Variants in PPIL1 observed in about 807,000 individuals in gnomAD.
PPIL1 encodes peptidyl-prolyl cis-trans isomerase-like 1.
PPIL1 carries 14 observed loss-of-function variants against 19.4 expected under a neutral mutation model. The ratio of observed to expected loss-of-function variants is 0.72; its 90% CI spans 0.48 to 1.13. The LOEUF (loss-of-function observed/expected upper bound fraction) is 1.13. Among genes scored for constraint, PPIL1 ranks in the 50% most tolerant of loss-of-function variants. PPIL1 has a pLI of 0.00. For synonymous variants in PPIL1, 72 were observed against 73.6 expected (o/e 0.98, Z 0.11); for missense variants, 192 against 218.0 (o/e 0.88, Z 0.75).
At chr6:36,864,900 T>A (rs1201998337) in intron 2 of PPIL1, among the ~76,000 whole-genome samples, 2 of 152,318 alleles carry the variant, frequency 1.3e-5, no homozygotes, top group African/African-American at 4.8e-5. Flanking sequence ...GCTTTCTTAT[T>A]CACTGTTGTA....
chr6:36,858,992 G>A (rs994777576), intron 2 of PPIL1, among the ~76,000 whole-genome samples: 2 of 152,158 alleles, frequency 1.3e-5, no homozygotes, highest in African/African-American at 4.8e-5. Context: ...CTGTCAGTCT[G>A]TGGCCTGAGC....
Position 36,874,745 on chromosome 6 carries a change from G to A in PPIL1, c.28C>T (p.Gln10Ter). 6.2e-7 allele frequency: 1 copy of A among 1,614,182 alleles called. No homozygotes were observed. Among genetic ancestry groups the A allele is most frequent in the Non-Finnish European group, 8.5e-7 (1 of 1,179,990 alleles). MAAIPPDSW[Q>*]PPNVYLETSM... ...GTCTCCAAGTAAACGTTGGGTGGCT[G>A]CCAGGAATCTGGGGGAATTGCCGCC... is the stretch of plus-strand genomic sequence containing the variant. The change falls in exon 1 of 4, where the codon CAG (glutamine) becomes TAG (stop). Residue 10 changes from glutamine (Q) to a stop codon, truncating the protein, a stop_gained. Coordinates refer to ENST00000373699, the MANE Select transcript of PPIL1 (RefSeq NM_016059.5). LOFTEE classifies it high-confidence loss of function.
Position 36,855,735 on chromosome 6 carries a change from A to G in PPIL1, c.*78T>C. 6.8e-7 allele frequency: 1 copy of G among 1,462,662 alleles called. No individual in the cohort carries two copies. The highest frequency in any genetic ancestry group is 1.8e-4 in the Middle Eastern group (1 of 5,668). 90.6% of individuals were successfully genotyped at this position (1,462,662 alleles called of 1,614,324 possible). On this transcript the variant is annotated 3_prime_UTR_variant, in exon 4 of 4. Transcript: ENST00000373699. The stretch of plus-strand genomic sequence containing the variant: ...CTTGCAAAGCCAAAATGAATTTAGC[A>G]TTACATGTCATTCTATGTCATCTAG...
At chr6:36,859,870 C>T (rs1004589193) in intron 2 of PPIL1, among the ~76,000 whole-genome samples, 37 of 140,428 alleles carry the variant, frequency 2.6e-4, no homozygotes, top group Non-Finnish European at 5.5e-4. Flanking sequence ...CACTCTATCA[C>T]CAGGCTGGAG....
At chr6:36,862,196 C>T (rs1161841080) in intron 2 of PPIL1, among the ~76,000 whole-genome samples, 1 of 131,084 alleles carries the variant, frequency 7.6e-6, no homozygotes, top group East Asian at 2.6e-4. Flanking sequence ...GTTGATGGGA[C>T]AATAGATTAA....
intron 2 of PPIL1, among the ~76,000 whole-genome samples, chr6:36,858,258 A>G (rs1169199316): frequency 5.0e-5 from 7 of 139,788 alleles, no homozygotes; most frequent in African/African-American, 1.8e-4. Context: ...AAAAAAAAAG[A>G]TGTAAGTTAA....
chr6:36,856,128 G>A (rs1774163137), intron 3 of PPIL1, 95 bp from the exon 4 acceptor site: 4 of 1,352,748 alleles, frequency 3.0e-6, no homozygotes, highest in Admixed American at 2.1e-5. Context: ...AAGCAGCCAG[G>A]ACTTTGTTCT....
At chr6:36,868,537 T>A (rs998804880) in intron 2 of PPIL1, among the ~76,000 whole-genome samples, 2 of 152,122 alleles carry the variant, frequency 1.3e-5, no homozygotes, top group African/African-American at 4.8e-5. Flanking sequence ...TCCAAAACCA[T>A]ATTCAAAAAT....
rs199835161 is a variant in PPIL1 at position 36,855,841 on chromosome 6, T to C, written c.473A>G (p.Lys158Arg). ...NSQDRPVDDV[K>R]IIKAYPSG Reference sequence around the variant, plus strand: ...CCCAGAAGGGTATGCCTTAATGATCTTCACGTCGTCCACAGGGCGGTCCTG... The same window carrying C: ...CCCAGAAGGGTATGCCTTAATGATCCTCACGTCGTCCACAGGGCGGTCCTG... The change falls in exon 4 of 4, where the codon AAG becomes AGG. Residue 158 changes from lysine (K) to arginine (R), a missense_variant. Coordinates refer to ENST00000373699, the MANE Select transcript of PPIL1 (RefSeq NM_016059.5). 48 of 1,614,220 alleles carry C rather than the reference T, an allele frequency of 3.0e-5. No homozygotes were observed. In the Admixed American group the frequency reaches 3.5e-4, roughly 12 times the overall value.
At chr6:36,870,561 A>C (rs939155660) in intron 2 of PPIL1, among the ~76,000 whole-genome samples, 2 of 152,336 alleles carry the variant, frequency 1.3e-5, no homozygotes, top group East Asian at 3.9e-4. Flanking sequence ...ACAACTATTT[A>C]CATAGTGTTT....
chr6:36,861,773 C>T (rs536962210), intron 2 of PPIL1, among the ~76,000 whole-genome samples: 3 of 151,364 alleles, frequency 2.0e-5, no homozygotes, highest in East Asian at 1.9e-4. Context: ...CTTGGCTCAC[C>T]GCAACCTCCG....
chr6:36,866,406 C>T (rs1774394578), intron 2 of PPIL1, among the ~76,000 whole-genome samples: 1 of 152,054 alleles, frequency 6.6e-6, no homozygotes, highest in Non-Finnish European at 1.5e-5. Context: ...AGATGTTTAA[C>T]AAAAAACGTG....
At chr6:36,873,897 T>C (rs1774575600) in intron 1 of PPIL1, among the ~76,000 whole-genome samples, 2 of 152,202 alleles carry the variant, frequency 1.3e-5, no homozygotes, top group Non-Finnish European at 2.9e-5. Flanking sequence ...TTTTACTTTA[T>C]ACTGTTATAG....
chr6:36,868,658 A>G (rs1250915131), intron 2 of PPIL1, among the ~76,000 whole-genome samples: 1 of 152,154 alleles, frequency 6.6e-6, no homozygotes, highest in Non-Finnish European at 1.5e-5. Flanking sequence ...AGCAACAGTG[A>G]GACCTCAACT....
intron 2 of PPIL1, among the ~76,000 whole-genome samples, chr6:36,865,450 T>A (rs1157326066): frequency 6.6e-6 from 1 of 152,176 alleles, no homozygotes; most frequent in Non-Finnish European, 1.5e-5. Flanking sequence ...TTGTTCTGGG[T>A]GTGGAGAGGT....
chr6:36,856,472 G>C, intron 3 of PPIL1, 114 bp downstream of exon 3: 1 of 936,482 alleles, frequency 1.1e-6, no homozygotes, highest in Non-Finnish European at 1.7e-6. Context: ...CGCCATGGCT[G>C]GGCAGCTATC....
At chr6:36,859,286 G>A (rs909160202) in intron 2 of PPIL1, among the ~76,000 whole-genome samples, 11 of 151,950 alleles carry the variant, frequency 7.2e-5, no homozygotes, top group East Asian at 3.9e-4. Flanking sequence ...TTAGCCAGGC[G>A]TGGTGGCACG....
intron 2 of PPIL1, among the ~76,000 whole-genome samples, chr6:36,866,971 A>G (rs893905217): frequency 2.0e-5 from 3 of 152,216 alleles, no homozygotes; most frequent in African/African-American, 7.2e-5. Flanking sequence ...CAGAGAGTCC[A>G]ATGGTGGCGG....
At chr6:36,859,058 T>C (rs1419784719) in intron 2 of PPIL1, among the ~76,000 whole-genome samples, 1 of 152,164 alleles carries the variant, frequency 6.6e-6, no homozygotes, top group African/African-American at 2.4e-5. Context: ...CCCAGGACCC[T>C]GCCCTCTAGG....
Sources: gnomAD v4.1 joint callset for allele counts (sites outside exome capture counted in the v4.1 genomes callset) on GRCh38, gnomAD v4.1.1 for gene constraint, MANE v1.5 for transcripts, NCBI Gene and HGNC (gene_info 2026-07-23, HGNC 2026-07-21) for gene names.